SLCO1B1: variants seen among roughly 807,000 people sequenced by gnomAD.
SLCO1B1 encodes OATP-2.
In SLCO1B1, 81 loss-of-function variants were observed where a neutral mutation model predicts 70.1. The ratio of observed to expected loss-of-function variants is 1.16; its 90% CI spans 0.97 to 1.39. The LOEUF is 1.39. Ranked by LOEUF, SLCO1B1 falls within the 40% of genes most tolerant of loss-of-function variation. The pLI, the probability that SLCO1B1 is intolerant of heterozygous loss-of-function variation, is 0.00. For synonymous variants in SLCO1B1, 283 were observed against 271.5 expected (o/e 1.04, Z -0.42); for missense variants, 895 against 799.6 (o/e 1.12, Z -1.44).
intron 14 of SLCO1B1, among the ~76,000 whole-genome samples, chr12:21,229,313 A>G: frequency 6.6e-6 from 1 of 152,122 alleles, no homozygotes; most frequent in East Asian, 1.9e-4. Context: ...GTTTGGACAA[A>G]TGCATAATGA....
At chr12:21,132,737 T>C (rs1940158513) in intron 1 of SLCO1B1, among the ~76,000 whole-genome samples, 2 of 152,224 alleles carry the variant, frequency 1.3e-5, no homozygotes, top group South Asian at 4.1e-4. Context: ...TATTAGCCTT[T>C]TGTCAGATGA....
intron 10 of SLCO1B1, among the ~76,000 whole-genome samples, chr12:21,203,004 C>G (rs76076366): frequency 0.022 from 3,280 of 152,048 alleles, 129 homozygotes; most frequent in African/African-American, 0.075. Flanking sequence ...GATTACACAG[C>G]TAGCATTATT....
At chr12:21,142,856 A>G (rs1245415771) in intron 2 of SLCO1B1, among the ~76,000 whole-genome samples, 1 of 152,096 alleles carries the variant, frequency 6.6e-6, no homozygotes, top group African/African-American at 2.4e-5. Context: ...TTCCAGAGTG[A>G]TCCCTTATAG....
rs58403569 is a variant in SLCO1B1 at position 21,186,414 on chromosome 12, G to A, written c.727+7394G>A. 9.9e-3 allele frequency among the ~76,000 whole-genome samples: 1,503 copies of A among 151,356 alleles called. 32 individuals are homozygous for A. Among genetic ancestry groups the A allele is most frequent in the African/African-American group, 0.035 (1,443 of 41,460 alleles). ...GAACAGTTCCTCTCTCCAATAAATT[G>A]CGGATTGCAGCAAAATCTGATTGTG... On this transcript the variant is annotated intron_variant, in intron 7 of 14. Transcript: ENST00000256958.
chr12:21,150,734 G>C lies in SLCO1B1; in HGVS notation c.84+9076G>C, dbSNP rs183301305. 6.4e-4 allele frequency among the ~76,000 whole-genome samples: 97 copies of C among 152,262 alleles called. 1 individual carries two copies. Among genetic ancestry groups the C allele is most frequent in the Admixed American group, 5.7e-3 (87 of 15,298 alleles). On this transcript the variant is annotated intron_variant, in intron 2 of 14. Coordinates refer to ENST00000256958, the MANE Select transcript of SLCO1B1 (RefSeq NM_006446.5). Reference sequence around the variant, plus strand: ...CAAAGGTAGATAAATCCACGAAGATGAGGAAAAACAAGTGCAAAAAGGCTG... The same window carrying C: ...CAAAGGTAGATAAATCCACGAAGATCAGGAAAAACAAGTGCAAAAAGGCTG...
chr12:21,191,825 A>G (rs1393065192), intron 7 of SLCO1B1, among the ~76,000 whole-genome samples: 1 of 152,128 alleles, frequency 6.6e-6, no homozygotes, highest in African/African-American at 2.4e-5. Context: ...GAAAGTTTTT[A>G]TCACAAAACA....
intron 14 of SLCO1B1, among the ~76,000 whole-genome samples, chr12:21,234,355 G>T (rs2121209340): frequency 6.6e-6 from 1 of 152,212 alleles, no homozygotes; most frequent in South Asian, 2.1e-4. Context: ...GTTATCCTCA[G>T]GAGCAATTTG....
intron 2 of SLCO1B1, among the ~76,000 whole-genome samples, chr12:21,149,085 CTT>C (rs2121055134): frequency 6.6e-6 from 1 of 152,256 alleles, no homozygotes; most frequent in South Asian, 2.1e-4. Context: ...TATCCTGAGA[CTT>C]TGCTGAAGTT....
At chr12:21,180,689 TA>T (rs2121111769) in intron 7 of SLCO1B1, among the ~76,000 whole-genome samples, 1 of 152,278 alleles carries the variant, frequency 6.6e-6, no homozygotes, top group South Asian at 2.1e-4. Flanking sequence ...AAATACTTGA[TA>T]AAATGTTTTA....
chr12:21,208,749 A>T (rs1287232937), intron 11 of SLCO1B1, among the ~76,000 whole-genome samples: 2 of 152,082 alleles, frequency 1.3e-5, no homozygotes, highest in Non-Finnish European at 2.9e-5. Flanking sequence ...TTTTCTACCA[A>T]TCCATGAGAG....
Position 21,176,805 on chromosome 12 carries a change from A to G in SLCO1B1, c.389A>G (p.Asn130Ser). 1 of 1,538,258 alleles carries G rather than the reference A, an allele frequency of 6.5e-7. No homozygotes were observed. Among genetic ancestry groups the G allele is most frequent in the Non-Finnish European group, 9.0e-7 (1 of 1,111,830 alleles). The change falls in exon 5 of 15, where the codon AAT (asparagine) becomes AGT (serine). Residue 130 changes from asparagine (N) to serine (S), a missense_variant. Physicochemically the swap from Asn to Ser is conservative, Grantham distance 46. Coordinates refer to ENST00000256958, the MANE Select transcript of SLCO1B1 (RefSeq NM_006446.5). ...AGGTATTCTAAAGAAACTAATATCA[A>G]TTCATCAGAAAATTCAACATCGACC... ...YYRYSKETNI[N>S]SSENSTSTLS...
Position 21,172,633 on chromosome 12 carries a change from C to T in SLCO1B1, c.85-17C>T. 2 of 1,613,288 alleles carry T rather than the reference C, an allele frequency of 1.2e-6. No homozygotes were observed. The highest frequency in any genetic ancestry group is 8.5e-7 in the Non-Finnish European group (1 of 1,179,710). On this transcript the variant is annotated splice_polypyrimidine_tract_variant and intron_variant, in intron 2 of 14. Coordinates refer to ENST00000256958, the MANE Select transcript of SLCO1B1 (RefSeq NM_006446.5). ...TTCGATTAACCATTTTCCCCCTTTC[C>T]TTCTGATTTTTCTTAGATGTTCTTG...
chr12:21,207,593 G>T (rs1591820566), intron 11 of SLCO1B1, among the ~76,000 whole-genome samples: 1 of 152,004 alleles, frequency 6.6e-6, no homozygotes, highest in Middle Eastern at 3.4e-3. Context: ...GAGCTGTGAT[G>T]ACCATAGAAG....
At chr12:21,200,813 G>A (rs972080205) in intron 9 of SLCO1B1, 141 bp downstream of exon 9, 5 of 672,748 alleles carry the variant, frequency 7.4e-6, no homozygotes, top group African/African-American at 3.7e-5. Context: ...TTTCTCAAAT[G>A]TTATTAAACA....
At chr12:21,174,538 G>GA in intron 3 of SLCO1B1, 39 bp from the exon 4 acceptor site, 1 of 1,606,144 alleles carries the variant, frequency 6.2e-7, no homozygotes, top group Non-Finnish European at 8.5e-7. Flanking sequence ...ACGCAAAATT[G>GA]AACTAAGCTG....
Position 21,178,647 on chromosome 12 carries a change from G to C in SLCO1B1, c.553G>C (p.Glu185Gln), listed in dbSNP as rs1385633842. 4 of 1,606,710 alleles carry C rather than the reference G, an allele frequency of 2.5e-6. No individual in the cohort carries two copies. Among genetic ancestry groups the C allele is most frequent in the Non-Finnish European group, 3.4e-6 (4 of 1,173,488 alleles). ...GGGTAATATGCTTCGTGGAATAGGG[G>C]AGACTCCCATAGTACCATTGGGGCT... The part of the protein sequence containing the change: ...FMGNMLRGIG[E>Q]TPIVPLGLSY... Residue 185 changes from glutamate to glutamine, a missense_variant, in exon 6 of 15, where the codon GAG becomes CAG. Physicochemically the swap from Glu to Gln is conservative, Grantham distance 29. Transcript: ENST00000256958.
chr12:21,169,027 A>G (rs1012834127), intron 2 of SLCO1B1, among the ~76,000 whole-genome samples: 24 of 151,770 alleles, frequency 1.6e-4, no homozygotes, highest in Non-Finnish European at 3.1e-4. Flanking sequence ...GTTCATTTTG[A>G]GTTAATTTTT....
intron 7 of SLCO1B1, among the ~76,000 whole-genome samples, chr12:21,188,068 C>G (rs1422612000): frequency 1.3e-5 from 2 of 152,106 alleles, no homozygotes; most frequent in Admixed American, 6.6e-5. Flanking sequence ...AATGTGGGCA[C>G]TGAAACTAAA....
At chr12:21,230,031 G>T (rs964776741) in intron 14 of SLCO1B1, among the ~76,000 whole-genome samples, 6 of 152,056 alleles carry the variant, frequency 3.9e-5, no homozygotes, top group African/African-American at 1.4e-4. Context: ...AGTTGAGGAG[G>T]TTCTCCCCTA....
Sources: gnomAD v4.1 joint callset for allele counts (sites outside exome capture counted in the v4.1 genomes callset) on GRCh38, gnomAD v4.1.1 for gene constraint, MANE v1.5 for transcripts, NCBI Gene and HGNC (gene_info 2026-07-23, HGNC 2026-07-21) for gene names.